Variants in NUP58 observed in about 807,000 individuals in gnomAD.
NUP58 encodes the protein nucleoporin 58, also known as nucleoporin p58/p45.
A neutral mutation model predicts 70.1 loss-of-function variants in NUP58; 17 were observed. That is an observed-to-expected ratio of 0.24 (90% CI 0.17 to 0.36). NUP58 has a LOEUF of 0.36. Among genes scored for constraint, NUP58 ranks in the 10% least tolerant of loss-of-function variants. The probability of loss-of-function intolerance (pLI) is 1.00; values close to 1 mark genes in which losing one functional copy is unlikely to be tolerated. For missense variants in NUP58, 644 were observed against 701.5 expected (o/e 0.92, Z 0.93); for synonymous variants, 275 against 257.6 (o/e 1.07, Z -0.65).
At chr13:25,343,826 TAC>T (rs1227857988), downstream of NUP58, among the ~76,000 whole-genome samples, 2 of 127,554 alleles carry the variant, frequency 1.6e-5, no homozygotes, top group African/African-American at 2.9e-5. Context: ...TATATATATA[TAC>T]ACATATATAT....
chr13:25,304,631 C>T (rs2030224612), intron 1 of NUP58, among the ~76,000 whole-genome samples: 1 of 150,968 alleles, frequency 6.6e-6, no homozygotes, highest in African/African-American at 2.4e-5. Flanking sequence ...ATTCTCCTGC[C>T]TCAGCCTCCC....
At chr13:25,328,395 CTT>C (rs397851817) in intron 12 of NUP58, among the ~76,000 whole-genome samples, 109 of 91,928 alleles carry the variant, frequency 1.2e-3, no homozygotes, top group Admixed American at 1.3e-3. Flanking sequence ...CTGACTCTCG[CTT>C]TTTTTTTTTT....
chr13:25,336,449 T>C (rs1243468054), intron 13 of NUP58: 1 of 430,792 alleles, frequency 2.3e-6, no homozygotes, highest in East Asian at 8.0e-5. Context: ...AACATGATAG[T>C]TTTGCCATGT....
At chr13:25,333,256 A>G (rs992006651) in intron 13 of NUP58, 20 of 985,216 alleles carry the variant, frequency 2.0e-5, no homozygotes, top group Middle Eastern at 5.2e-4. Flanking sequence ...AGTGCCTACT[A>G]TGTGCTGGGC....
intron 1 of NUP58, 57 bp from the exon 2 acceptor site, chr13:25,307,749 T>C: frequency 6.4e-7 from 1 of 1,564,178 alleles, no homozygotes; most frequent in Non-Finnish European, 8.8e-7. Context: ...ATATTGGCTC[T>C]AGTAGACCTC....
chr13:25,346,730 A>C (rs994262142), downstream of NUP58, among the ~76,000 whole-genome samples: 11 of 152,020 alleles, frequency 7.2e-5, no homozygotes, highest in Admixed American at 5.9e-4. Flanking sequence ...AAAAAAAAAA[A>C]AAAAGATACA....
chr13:25,312,548 G>C (rs1256411518), intron 3 of NUP58, among the ~76,000 whole-genome samples: 1 of 151,998 alleles, frequency 6.6e-6, no homozygotes, highest in Non-Finnish European at 1.5e-5. Flanking sequence ...TTGTATTTTA[G>C]CTAGAGGCAG....
At chr13:25,312,454 C>G (rs563083037) in intron 3 of NUP58, among the ~76,000 whole-genome samples, 1 of 152,046 alleles carries the variant, frequency 6.6e-6, no homozygotes, top group South Asian at 2.1e-4. Context: ...TGCAACCTCC[C>G]CCTCCCAGGT....
chr13:25,333,841 T>A (rs2031693580), intron 13 of NUP58: 10 of 985,272 alleles, frequency 1.0e-5, no homozygotes, highest in Non-Finnish European at 1.1e-5. Flanking sequence ...GCTTATGCAT[T>A]GTTTTTATAC....
At chr13:25,332,533 CACACAAAA>C in intron 13 of NUP58, 1 of 899,034 alleles carries the variant, frequency 1.1e-6, no homozygotes, top group Non-Finnish European at 1.3e-6. Flanking sequence ...CATTATAATA[CACACAAAA>C]AAATTAATAC....
intron 1 of NUP58, chr13:25,303,257 G>A: frequency 2.7e-6 from 1 of 376,098 alleles, no homozygotes; most frequent in Non-Finnish European, 5.1e-6. Flanking sequence ...TAGTCTGCAA[G>A]GTCCACTTCT....
chr13:25,330,791 A>G (rs1456294357), intron 12 of NUP58, among the ~76,000 whole-genome samples: 1 of 152,152 alleles, frequency 6.6e-6, no homozygotes, highest in Admixed American at 6.6e-5. Flanking sequence ...ACAATGGTCA[A>G]ATAATAGCAA....
intron 9 of NUP58, among the ~76,000 whole-genome samples, chr13:25,324,277 CTCTT>C (rs2031303160): frequency 6.6e-6 from 1 of 152,068 alleles, no homozygotes; most frequent in African/African-American, 2.4e-5. Context: ...GTTAAAGTAA[CTCTT>C]TGTGAAATAA....
At chr13:25,311,820 T>C (rs549631676) in intron 3 of NUP58, among the ~76,000 whole-genome samples, 1 of 152,206 alleles carries the variant, frequency 6.6e-6, no homozygotes, top group African/African-American at 2.4e-5. Flanking sequence ...AGGATGCTTG[T>C]AGTACAGGAT....
intron 5 of NUP58, among the ~76,000 whole-genome samples, chr13:25,314,410 A>G (rs2030829539): frequency 6.6e-6 from 1 of 151,936 alleles, no homozygotes; most frequent in African/African-American, 2.4e-5. Context: ...GTATAGATTT[A>G]TTAGGCTGGA....
intron 5 of NUP58, among the ~76,000 whole-genome samples, chr13:25,314,176 G>A (rs142359001): frequency 0.018 from 2,746 of 152,150 alleles, 79 homozygotes; most frequent in African/African-American, 0.062. Flanking sequence ...CAAGTGATCC[G>A]GCTGCCTTGG....
intron 3 of NUP58, among the ~76,000 whole-genome samples, chr13:25,347,805 T>C (rs1265550266): frequency 6.6e-6 from 1 of 152,232 alleles, no homozygotes; most frequent in Non-Finnish European, 1.5e-5. Context: ...ATCTTCTCAA[T>C]TAGCCAAACA....
At chr13:25,348,763 G>A (rs528469104) in intron 3 of NUP58, among the ~76,000 whole-genome samples, 1 of 152,010 alleles carries the variant, frequency 6.6e-6, no homozygotes, top group Non-Finnish European at 1.5e-5. Context: ...TTTCCTACTT[G>A]GTATCCCTGC....
intron 11 of NUP58, among the ~76,000 whole-genome samples, 171 bp from the exon 12 acceptor site, chr13:25,327,259 T>G (rs533851392): frequency 6.6e-6 from 1 of 152,326 alleles, no homozygotes; most frequent in South Asian, 2.1e-4. Context: ...CAGATTTCTT[T>G]TGTAGACATT....
Sources: allele counts gnomAD v4.1 joint callset (sites outside exome capture counted in the v4.1 genomes callset), GRCh38; gene constraint gnomAD v4.1.1; transcripts MANE v1.5; gene names NCBI Gene and HGNC (gene_info 2026-07-23, HGNC 2026-07-21).